Variants in STUM observed in about 807,000 individuals in gnomAD.
STUM encodes the protein protein stum homolog.
A neutral mutation model predicts 15.3 loss-of-function variants in STUM; 8 were observed. The ratio of observed to expected loss-of-function variants is 0.52; its 90% CI spans 0.31 to 0.94. The LOEUF (loss-of-function observed/expected upper bound fraction) is 0.94. Ranked by LOEUF, STUM falls within the 40% of genes least tolerant of loss-of-function variation. The pLI is 0.05. For synonymous variants in STUM, 78 were observed against 88.7 expected, an observed-to-expected ratio of 0.88 and a Z score of 0.68; for missense variants, 142 against 204.9, an observed-to-expected ratio of 0.69 and a Z score of 1.87.
In STUM at chr1:226,565,007, G is replaced by A. The variant is rs1311216299; in HGVS notation, c.202+15901G>A. ...CCTATCCTGCTCTGGACCCGAGGAGGCCGACCTCTACGGCCTGCATCACCA... is the reference window on the plus strand; with the variant it reads ...CCTATCCTGCTCTGGACCCGAGGAGACCGACCTCTACGGCCTGCATCACCA... On this transcript the variant is annotated intron_variant, in intron 1 of 3. Transcript: ENST00000366788. The surrounding 1 kb of genome is among the most constrained non-coding windows in gnomAD (Gnocchi z 4.4). 1.3e-5 allele frequency among the ~76,000 whole-genome samples: 2 copies of A among 152,170 alleles called. No individual in the cohort carries two copies. Among genetic ancestry groups the A allele is most frequent in the Non-Finnish European group, 2.9e-5 (2 of 68,028 alleles).
chr1:226,594,155 A>C (rs1668134226), intron 1 of STUM, among the ~76,000 whole-genome samples: 1 of 151,892 alleles, frequency 6.6e-6, no homozygotes, highest in South Asian at 2.1e-4. Flanking sequence ...TCAGCCTTGG[A>C]TCTGAAGCAC....
At chr1:226,587,540 C>A (rs1250849223) in intron 1 of STUM, among the ~76,000 whole-genome samples, 1 of 152,128 alleles carries the variant, frequency 6.6e-6, no homozygotes, top group African/African-American at 2.4e-5. Flanking sequence ...TTCCCCTGAC[C>A]CCCTCAAACC....
At chr1:226,560,620 G>A (rs904728804) in intron 1 of STUM, among the ~76,000 whole-genome samples, 2 of 152,154 alleles carry the variant, frequency 1.3e-5, no homozygotes, top group Non-Finnish European at 2.9e-5. Flanking sequence ...CTCTGGGATG[G>A]ATAAGTTGTG....
intron 3 of STUM, among the ~76,000 whole-genome samples, chr1:226,601,128 T>TTC (rs1668255840): frequency 6.6e-6 from 1 of 152,028 alleles, no homozygotes; most frequent in South Asian, 2.1e-4. Context: ...TCGTTTTTTT[T>TTC]TTCTTCTTCT....
At chr1:226,557,534 T>C (rs1446344067) in intron 1 of STUM, among the ~76,000 whole-genome samples, 2 of 152,242 alleles carry the variant, frequency 1.3e-5, no homozygotes, top group African/African-American at 2.4e-5. Context: ...ATTCTATTTT[T>C]AGCTTTTTGA....
At chr1:226,573,365 A>T (rs1472868635) in intron 1 of STUM, among the ~76,000 whole-genome samples, 4 of 152,226 alleles carry the variant, frequency 2.6e-5, no homozygotes, top group Non-Finnish European at 5.9e-5. Context: ...TTCAGTTAAA[A>T]GTGTTAGAAA....
At chr1:226,550,619 A>C (rs1289127696) in intron 1 of STUM, among the ~76,000 whole-genome samples, 1 of 145,710 alleles carries the variant, frequency 6.9e-6, no homozygotes, top group Non-Finnish European at 1.5e-5. Context: ...TTAAGTGGTG[A>C]GGTAAACGCC....
chr1:226,601,845 A>C (rs1471345860), intron 3 of STUM, 161 bp from the exon 4 acceptor site: 2 of 656,924 alleles, frequency 3.0e-6, no homozygotes, highest in Non-Finnish European at 5.5e-6. Flanking sequence ...TCCCATTAGA[A>C]AGTCAAAGCC....
At chr1:226,583,588 A>G (rs147572549) in intron 1 of STUM, among the ~76,000 whole-genome samples, 1,600 of 152,172 alleles carry the variant, frequency 0.011, 15 homozygotes, top group Middle Eastern at 0.024. Context: ...ATTCCTGTCC[A>G]CCTAGAAAGG....
Position 226,600,719 on chromosome 1 carries a change from G to A in STUM, c.391+45G>A, listed in dbSNP as rs761408654. 8 of 1,606,754 alleles carry A rather than the reference G, an allele frequency of 5.0e-6. No homozygotes were observed. In the East Asian group the frequency reaches 1.3e-4, roughly 27 times the overall value. On this transcript the variant is annotated intron_variant, in intron 3 of 3. Coordinates refer to ENST00000366788, the MANE Select transcript of STUM (RefSeq NM_001003665.4). The surrounding 1 kb of genome is among the most constrained non-coding windows in gnomAD (Gnocchi z 5.2). ...TGCGGGCCTCGTGCTGCTGCTTGGG[G>A]CCCTCCCCTCCCCCGAGACCCCCAC...
intron 1 of STUM, among the ~76,000 whole-genome samples, chr1:226,593,678 G>A (rs1668125705): frequency 6.6e-6 from 1 of 152,206 alleles, no homozygotes; most frequent in Non-Finnish European, 1.5e-5. Context: ...TCCATCCGGC[G>A]AGAGTAGAAG....
chr1:226,589,497 G>A (rs1668050583), intron 1 of STUM, among the ~76,000 whole-genome samples: 1 of 152,168 alleles, frequency 6.6e-6, no homozygotes, highest in African/African-American at 2.4e-5. Context: ...CACAGTGATG[G>A]CAGCCAGGGC....
chr1:226,592,251 C>A (rs1668102489), intron 1 of STUM, among the ~76,000 whole-genome samples: 3 of 152,172 alleles, frequency 2.0e-5, no homozygotes, highest in Admixed American at 2.0e-4. Flanking sequence ...TTTCATCATG[C>A]TGGCCAGGCT....
In STUM at chr1:226,606,678, C is replaced by T. The variant is rs1668364631; in HGVS notation, c.*4638C>T. 1 of 152,188 alleles carries T rather than the reference C, an allele frequency of 6.6e-6. No individual in the cohort carries two copies. The highest frequency in any genetic ancestry group is 1.5e-5 in the Non-Finnish European group (1 of 68,078). The allele number at this position is 152,188 out of a possible 1,614,324, so 9.4% of individuals were successfully genotyped here. A position where few individuals can be genotyped will look rare whatever the true frequency, so the allele number is the denominator to read the frequency against. On this transcript the variant is annotated 3_prime_UTR_variant, in exon 4 of 4. Transcript: ENST00000366788. ...TGCACCCGAGCGGCACCTAAGCTTCCCAGAGACCATGACCTTGTATGTGGC... is the reference window on the plus strand; with the variant it reads ...TGCACCCGAGCGGCACCTAAGCTTCTCAGAGACCATGACCTTGTATGTGGC...
chr1:226,582,920 A>G (rs1164745712), intron 1 of STUM, among the ~76,000 whole-genome samples: 1 of 152,168 alleles, frequency 6.6e-6, no homozygotes, highest in Non-Finnish European at 1.5e-5. Context: ...AGTGGCTTAA[A>G]ACAATAGTGT....
At position 226,549,094 on chromosome 1, in the gene STUM, G is replaced by A. The variant is rs201706496; in HGVS notation, c.190G>A (p.Val64Met). 2 of 1,578,904 alleles carry A rather than the reference G, an allele frequency of 1.3e-6. No homozygotes were observed. Among genetic ancestry groups the A allele is most frequent in the Non-Finnish European group, 1.7e-6 (2 of 1,165,332 alleles). Reference protein sequence around the residue: ...AVICLFLNTFVPGLGTFVSAF... With the variant: ...AVICLFLNTFMPGLGTFVSAF... The stretch of plus-strand genomic sequence containing the variant: ...CATCTGCCTCTTCCTCAACACTTTC[G>A]TGCCGGGACTGGGTAAGACACGGCT... Residue 64 changes from valine (V) to methionine (M), a missense_variant, in exon 1 of 4, where the codon GTG (valine) becomes ATG (methionine). By Grantham distance (21) the Val-to-Met change is conservative (BLOSUM62 1). This residue lies in a region of STUM where 113 missense variants were observed against 134.4 expected (regional missense o/e 0.84). Coordinates refer to ENST00000366788, the MANE Select transcript of STUM (RefSeq NM_001003665.4). This position sits in a 1 kb window ranked among gnomAD's most constrained non-coding sequence, Gnocchi z 6.8.
chr1:226,575,974 G>A (rs1336585292), intron 1 of STUM, among the ~76,000 whole-genome samples: 3 of 152,246 alleles, frequency 2.0e-5, no homozygotes, highest in African/African-American at 7.2e-5. Context: ...TAGACTGCTA[G>A]AAAGAGAACG....
At chr1:226,599,354 GGT>G (rs1668230283) in intron 2 of STUM, among the ~76,000 whole-genome samples, 1 of 152,168 alleles carries the variant, frequency 6.6e-6, no homozygotes, top group South Asian at 2.1e-4. Flanking sequence ...ACCCCCAAAG[GGT>G]GAACAGTTGC....
chr1:226,579,806 AT>A lies in STUM; in HGVS notation c.203-16987del, dbSNP rs1491466361. Among the ~76,000 whole-genome samples the A allele has an allele frequency of 2.0e-5, 3 of 151,164 alleles. No homozygotes were observed. In the South Asian group the frequency reaches 6.3e-4, roughly 32 times the overall value. On this transcript the variant is annotated intron_variant, in intron 1 of 3. Coordinates refer to ENST00000366788, the MANE Select transcript of STUM (RefSeq NM_001003665.4). ...CTGCCCCCAACTAATTAAAAAAAAA[AT>A]TTTTTTTTGTAGAGATGGAGCCTCC...
Sources: allele counts gnomAD v4.1 joint callset (sites outside exome capture counted in the v4.1 genomes callset), GRCh38; gene constraint gnomAD v4.1.1; regional missense constraint gnomAD v4.1.1; non-coding constraint Gnocchi (gnomAD v3.1); transcripts MANE v1.5; gene names NCBI Gene and HGNC (gene_info 2026-07-23, HGNC 2026-07-21).